MTFR1: variants seen among roughly 807,000 people sequenced by gnomAD.
The protein encoded by MTFR1 is chondrocyte protein with a poly-proline region.
Under a neutral mutation model 38.8 loss-of-function variants are expected in MTFR1, and 28 were observed. The observed-to-expected ratio is 0.72, with a 90% confidence interval of 0.53 to 0.99. The LOEUF is 0.99. Among genes scored for constraint, MTFR1 ranks in the 50% least tolerant of loss-of-function variants. The pLI is 0.00. For synonymous variants in MTFR1, 145 were observed against 137.0 expected, an observed-to-expected ratio of 1.06 and a Z score of -0.41; for missense variants, 358 against 395.5, an observed-to-expected ratio of 0.91 and a Z score of 0.81.
chr8:65,776,893 G>T, the MTFR1 span, among the ~76,000 whole-genome samples: 2 of 151,938 alleles, frequency 1.3e-5, no homozygotes, highest in African/African-American at 4.8e-5. Flanking sequence ...AAACAATACT[G>T]AATAGGAAAG....
In MTFR1 at chr8:65,734,938, C is replaced by T. The variant is rs561438084; in HGVS notation, c.*48+15457C>T. The T allele has an allele frequency of 3.4e-6, 4 of 1,180,826 alleles. No individual in the cohort carries two copies. In the South Asian group the frequency reaches 3.7e-5, roughly 11 times the overall value. The allele number at this position is 1,180,826 out of a possible 1,614,324, so 73.1% of individuals were successfully genotyped here. On this transcript the variant is annotated intron_variant, in intron 3 of 3. Transcript: ENST00000521247. ...TCCCGATTTTATTGTATATGAGCAA[C>T]ATATACAAGGACAAAAATTGTGATA...
At chr8:65,731,964 C>T (rs1806906480) in intron 3 of MTFR1, among the ~76,000 whole-genome samples, 3 of 150,980 alleles carry the variant, frequency 2.0e-5, no homozygotes, top group East Asian at 3.9e-4. Context: ...TGGTCATTCT[C>T]TATATTATTA....
intron 3 of MTFR1, chr8:65,683,035 G>T: frequency 1.8e-6 from 1 of 548,202 alleles, no homozygotes; most frequent in Non-Finnish European, 2.3e-6. Context: ...GAAGGTCTTA[G>T]TACAGTATTC....
At chr8:65,776,811 A>G in the MTFR1 span, among the ~76,000 whole-genome samples, 2 of 152,186 alleles carry the variant, frequency 1.3e-5, no homozygotes, top group African/African-American at 4.8e-5. Flanking sequence ...CATAAAAATG[A>G]TACTTTTTCT....
intron 3 of MTFR1, among the ~76,000 whole-genome samples, chr8:65,683,670 T>C (rs1291015972): frequency 6.6e-6 from 1 of 152,188 alleles, no homozygotes; most frequent in Non-Finnish European, 1.5e-5. Context: ...TAACATGTCA[T>C]GTTCTTAAAT....
intron 4 of MTFR1, among the ~76,000 whole-genome samples, chr8:65,702,364 A>T (rs1400208900): frequency 7.5e-6 from 1 of 132,722 alleles, no homozygotes; most frequent in Non-Finnish European, 1.5e-5. Flanking sequence ...CAGTGGCATG[A>T]TCTTGGCTCA....
At chr8:65,673,821 G>A (rs913384705) in intron 2 of MTFR1, among the ~76,000 whole-genome samples, 14 of 151,930 alleles carry the variant, frequency 9.2e-5, no homozygotes, top group Non-Finnish European at 2.1e-4. Flanking sequence ...CAGGAGAATC[G>A]CTTGAACCCA....
At chr8:65,678,913 T>C (rs1804797810) in intron 2 of MTFR1, among the ~76,000 whole-genome samples, 1 of 152,008 alleles carries the variant, frequency 6.6e-6, no homozygotes, top group Non-Finnish European at 1.5e-5. Context: ...AGCTGAATCA[T>C]TGGCCACTTC....
chr8:65,693,697 G>C lies in MTFR1; in HGVS notation c.219G>C (p.Val73=). Residue 73 remains valine, a synonymous_variant, in exon 4 of 8, where the codon GTG becomes GTC. Coordinates refer to ENST00000262146, the MANE Select transcript of MTFR1 (RefSeq NM_014637.4). ...WSPSHPGEDA[V]ASFADVGWVA... ...CCAGCCACCCAGGAGAGGATGCAGT[G>C]GCGTCTTTTGCTGATGTTGGATGGG... is the stretch of plus-strand genomic sequence containing the variant. 6.2e-7 allele frequency: 1 copy of C among 1,614,126 alleles called. No individual in the cohort carries two copies. The highest frequency in any genetic ancestry group is 1.6e-4 in the Middle Eastern group (1 of 6,062).
intron 3 of MTFR1, among the ~76,000 whole-genome samples, chr8:65,764,331 A>G (rs1018028050): frequency 1.3e-5 from 2 of 152,228 alleles, no homozygotes; most frequent in African/African-American, 4.8e-5. Context: ...GACAAATAAG[A>G]TCTTAGTCTA....
Position 65,758,656 on chromosome 8 carries a change from T to A in MTFR1, c.*49-12291T>A, listed in dbSNP as rs116172334. ...TTTCAATTGCCATTTCTACTTATCTTTCAAACTATACTCTGAAGAGGTTAT... is the reference window on the plus strand; with the variant it reads ...TTTCAATTGCCATTTCTACTTATCTATCAAACTATACTCTGAAGAGGTTAT... On this transcript the variant is annotated intron_variant, in intron 3 of 3. Transcript: ENST00000521247. Among the ~76,000 whole-genome samples the A allele has an allele frequency of 6.2e-3, 939 of 152,342 alleles. 9 individuals carry two copies. Among genetic ancestry groups the A allele is most frequent in the African/African-American group, 0.022 (906 of 41,560 alleles).
intron 3 of MTFR1, chr8:65,739,607 A>T: frequency 6.6e-7 from 1 of 1,508,170 alleles, no homozygotes; most frequent in Non-Finnish European, 8.8e-7. Context: ...CCTAAAAAGA[A>T]AGAAGAGACA....
intron 3 of MTFR1, among the ~76,000 whole-genome samples, chr8:65,689,990 T>C (rs1805224148): frequency 6.6e-6 from 1 of 152,228 alleles, no homozygotes. Flanking sequence ...TATTATGGAC[T>C]TGGTATCATT....
rs1320721569 is a variant in MTFR1 at position 65,703,429 on chromosome 8, T to TTTG, written c.282-1263_282-1262insGTT. 1.5e-3 allele frequency among the ~76,000 whole-genome samples: 174 copies of TTTG among 118,614 alleles called. 1 individual carries two copies. The highest frequency in any genetic ancestry group is 1.4e-3 in the Non-Finnish European group (85 of 58,648). 77.8% of individuals were successfully genotyped at this position (118,614 alleles called of 152,430 possible). A position where few individuals can be genotyped will look rare whatever the true frequency, so the allele number is the denominator to read the frequency against. On this transcript the variant is annotated intron_variant, in intron 4 of 7. Transcript: ENST00000262146. ...TGCTTGATGTCTCTGGTTTTTTTTT[T>TTTG]TTTTTTTTTTTTTTTTTTTTTTGAG...
intron 3 of MTFR1, among the ~76,000 whole-genome samples, chr8:65,757,899 G>A (rs1166048280): frequency 6.6e-6 from 1 of 152,190 alleles, no homozygotes; most frequent in Non-Finnish European, 1.5e-5. Context: ...TTACAGGTGT[G>A]AGCCACCACA....
chr8:65,762,459 G>C (rs779538121), intron 3 of MTFR1, among the ~76,000 whole-genome samples: 2 of 152,120 alleles, frequency 1.3e-5, no homozygotes, highest in Non-Finnish European at 2.9e-5. Context: ...GAGAACACAG[G>C]GGCTTAGGAA....
At chr8:65,770,332 G>A (rs903177030) in intron 3 of MTFR1, among the ~76,000 whole-genome samples, 1 of 152,210 alleles carries the variant, frequency 6.6e-6, no homozygotes, top group African/African-American at 2.4e-5. Flanking sequence ...TGGCTGGGGA[G>A]GCCTCATAAT....
chr8:65,772,626 T>C (rs1048339639), downstream of MTFR1, among the ~76,000 whole-genome samples: 4 of 152,190 alleles, frequency 2.6e-5, no homozygotes, highest in Non-Finnish European at 5.9e-5. Context: ...AACCTTAAGA[T>C]TCATAACTGG....
At chr8:65,753,059 ATTGT>A (rs1406983056) in intron 3 of MTFR1, among the ~76,000 whole-genome samples, 3 of 152,140 alleles carry the variant, frequency 2.0e-5, no homozygotes, top group Admixed American at 6.5e-5. Context: ...TGGTAAAGCT[ATTGT>A]TTAATTTAAT....
Sources: allele counts gnomAD v4.1 joint callset (sites outside exome capture counted in the v4.1 genomes callset), GRCh38; gene constraint gnomAD v4.1.1; transcripts MANE v1.5; gene names NCBI Gene and HGNC (gene_info 2026-07-23, HGNC 2026-07-21).